Variants in RPGRIP1 observed in about 807,000 individuals in gnomAD.
RPGRIP1 encodes X-linked retinitis pigmentosa GTPase regulator-interacting protein 1.
Under a neutral mutation model 157.9 loss-of-function variants are expected in RPGRIP1, and 128 were observed. That is an observed-to-expected ratio of 0.81 (90% CI 0.70 to 0.94). RPGRIP1 has a LOEUF of 0.94. Ranked by LOEUF, RPGRIP1 falls within the 40% of genes least tolerant of loss-of-function variation. The pLI is 0.00. For missense variants in RPGRIP1, 1,486 were observed against 1,545.8 expected, an observed-to-expected ratio of 0.96 and a Z score of 0.65; for synonymous variants, 554 against 571.6, an observed-to-expected ratio of 0.97 and a Z score of 0.44.
chr14:21,287,771 C>T (rs1332483510), intron 1 of RPGRIP1, among the ~76,000 whole-genome samples, 168 bp from the exon 2 acceptor site: 3 of 152,114 alleles, frequency 2.0e-5, no homozygotes, highest in East Asian at 1.9e-4. Context: ...CTACTGAATA[C>T]TTGTTGTTAC....
intron 6 of RPGRIP1, among the ~76,000 whole-genome samples, chr14:21,307,382 C>T (rs1030298898): frequency 1.3e-5 from 2 of 152,220 alleles, no homozygotes; most frequent in Non-Finnish European, 2.9e-5. Flanking sequence ...TTTTCTAGCA[C>T]GTTCAAACCT....
intron 7 of RPGRIP1, among the ~76,000 whole-genome samples, chr14:21,308,886 T>A (rs191629398): frequency 6.6e-6 from 1 of 152,240 alleles, no homozygotes; most frequent in Admixed American, 6.5e-5. Flanking sequence ...AAACTGGCCC[T>A]CCTACCCTAG....
chr14:21,328,214 C>T (rs1473047463), intron 18 of RPGRIP1, among the ~76,000 whole-genome samples: 2 of 151,932 alleles, frequency 1.3e-5, no homozygotes, highest in Non-Finnish European at 2.9e-5. Flanking sequence ...TGTCATGTGT[C>T]CTGTGAACTT....
Position 21,326,006 on chromosome 14 carries a change from G to C in RPGRIP1, c.2543G>C (p.Arg848Thr), listed in dbSNP as rs751616559. 2 of 1,613,940 alleles carry C rather than the reference G, an allele frequency of 1.2e-6. No individual in the cohort carries two copies. The highest frequency in any genetic ancestry group is 1.7e-6 in the Non-Finnish European group (2 of 1,179,894). The change falls in exon 17 of 25, where the codon AGA (arginine) becomes ACA (threonine). Residue 848 changes from arginine (R) to threonine (T), a missense_variant. By Grantham distance (71) the Arg-to-Thr change is moderately conservative. Transcript: ENST00000400017. ...CCAGCCAGTAACAACCCCTACTTTA[G>C]AGACCAGGCTCGATTCCCAGTGCTT... Reference protein sequence around the residue: ...IIPASNNPYFRDQARFPVLVT... With the variant: ...IIPASNNPYFTDQARFPVLVT...
chr14:21,328,851 A>T (rs1432630831), intron 19 of RPGRIP1, among the ~76,000 whole-genome samples: 2 of 151,994 alleles, frequency 1.3e-5, no homozygotes, highest in African/African-American at 4.8e-5. Flanking sequence ...TCTGCTAAAA[A>T]TACAAAATGA....
In RPGRIP1 at chr14:21,311,871, G is replaced by T; in HGVS notation, c.978G>T (p.Val326=). ...SAAHEALLKQ[V]NELRAELKEE... Reference sequence around the variant, plus strand: ...CCCATGAGGCCCTCCTCAAGCAAGTGAATGAGCTCAGGGCAGAGCTGAAGG... The same window carrying T: ...CCCATGAGGCCCTCCTCAAGCAAGTTAATGAGCTCAGGGCAGAGCTGAAGG... Residue 326 remains valine (V), a synonymous_variant, in exon 9 of 25, where the codon GTG becomes GTT. Coordinates refer to ENST00000400017, the MANE Select transcript of RPGRIP1 (RefSeq NM_020366.4). 1 of 1,611,344 alleles carries T rather than the reference G, an allele frequency of 6.2e-7. No homozygotes were observed. The highest frequency in any genetic ancestry group is 8.5e-7 in the Non-Finnish European group (1 of 1,178,948).
At chr14:21,281,262 T>G (rs868664553) in intron 1 of RPGRIP1, among the ~76,000 whole-genome samples, 2 of 152,120 alleles carry the variant, frequency 1.3e-5, no homozygotes, top group Non-Finnish European at 2.9e-5. Flanking sequence ...GATCTTGTGA[T>G]CTGCCCGCCT....
chr14:21,349,384 T>G (rs1237145568), intron 24 of RPGRIP1, among the ~76,000 whole-genome samples: 2 of 138,026 alleles, frequency 1.4e-5, no homozygotes, highest in African/African-American at 5.4e-5. Context: ...TAAATATAAT[T>G]ACTATAATTT....
At chr14:21,315,931 C>T (rs1043031126) in intron 10 of RPGRIP1, among the ~76,000 whole-genome samples, 4 of 148,324 alleles carry the variant, frequency 2.7e-5, no homozygotes, top group Non-Finnish European at 5.9e-5. Flanking sequence ...CCCAAGTAGC[C>T]GTGACCACAG....
Position 21,351,249 on chromosome 14 carries a change from T to A in RPGRIP1, c.*33T>A, listed in dbSNP as rs1193475336. The A allele has an allele frequency of 1.3e-5, 18 of 1,338,440 alleles. No individual in the cohort carries two copies. The highest frequency in any genetic ancestry group is 1.9e-5 in the Non-Finnish European group (18 of 943,804). The allele number at this position is 1,338,440 out of a possible 1,614,324, so 82.9% of individuals were successfully genotyped here. A position where few individuals can be genotyped will look rare whatever the true frequency, so the allele number is the denominator to read the frequency against. ...AGTGCTATTCCAATCTAAAAGTCTC[T>A]GAGGGAACCATAGTAAAAAGTCTCT... On this transcript the variant is annotated 3_prime_UTR_variant, in exon 25 of 25. Transcript: ENST00000400017.
chr14:21,304,289 T>C (rs1334563724), intron 6 of RPGRIP1, among the ~76,000 whole-genome samples: 2 of 129,988 alleles, frequency 1.5e-5, no homozygotes, highest in Non-Finnish European at 1.6e-5. Flanking sequence ...CACTCCAGCC[T>C]GGGCAACAAG....
chr14:21,315,974 G>GGT (rs1881780487), intron 10 of RPGRIP1, among the ~76,000 whole-genome samples: 1 of 107,394 alleles, frequency 9.3e-6, no homozygotes, highest in Non-Finnish European at 1.8e-5. Context: ...AATTTTTGTG[G>GGT]TTTTTTTTTT....
intron 21 of RPGRIP1, among the ~76,000 whole-genome samples, chr14:21,338,654 A>T (rs913603027): frequency 1.3e-5 from 2 of 152,188 alleles, no homozygotes; most frequent in Non-Finnish European, 2.9e-5. Flanking sequence ...TGTCATACTC[A>T]TAGATAAAAA....
intron 6 of RPGRIP1, among the ~76,000 whole-genome samples, chr14:21,306,281 C>T (rs918813962): frequency 9.3e-5 from 14 of 150,574 alleles, no homozygotes; most frequent in African/African-American, 3.2e-4. Flanking sequence ...TACAGGCACC[C>T]ACCACCACAC....
intron 21 of RPGRIP1, among the ~76,000 whole-genome samples, chr14:21,339,298 T>C (rs1884735951): frequency 6.6e-6 from 1 of 151,980 alleles, no homozygotes; most frequent in Admixed American, 6.6e-5. Context: ...ATACAAAAAT[T>C]AGCTGGGCGT....
At chr14:21,340,823 C>T (rs1486333736) in intron 21 of RPGRIP1, among the ~76,000 whole-genome samples, 1 of 152,046 alleles carries the variant, frequency 6.6e-6, no homozygotes, top group Admixed American at 6.6e-5. Flanking sequence ...TAACATTTGC[C>T]ATGCATTCTC....
At chr14:21,283,361 G>A (rs1054762305) in intron 1 of RPGRIP1, among the ~76,000 whole-genome samples, 1 of 152,092 alleles carries the variant, frequency 6.6e-6, no homozygotes, top group African/African-American at 2.4e-5. Context: ...GGAGTGCAAT[G>A]GTGTAATCTT....
chr14:21,320,289 G>C, intron 12 of RPGRIP1, 112 bp downstream of exon 12: 13 of 1,030,044 alleles, frequency 1.3e-5, no homozygotes, highest in Non-Finnish European at 1.8e-5. Context: ...TGTCCTGACT[G>C]AGGACACTCT....
intron 21 of RPGRIP1, among the ~76,000 whole-genome samples, chr14:21,339,847 A>G: frequency 6.6e-6 from 1 of 152,214 alleles, no homozygotes; most frequent in African/African-American, 2.4e-5. Flanking sequence ...GATAAGACAG[A>G]CTTGGTCTCT....
Sources: gnomAD v4.1 joint callset for allele counts (sites outside exome capture counted in the v4.1 genomes callset) on GRCh38, gnomAD v4.1.1 for gene constraint, MANE v1.5 for transcripts, NCBI Gene and HGNC (gene_info 2026-07-23, HGNC 2026-07-21) for gene names.